Variants in EMC7 observed in about 807,000 individuals in gnomAD.
EMC7 encodes the protein endoplasmic reticulum membrane protein complex subunit 7.
Under a neutral mutation model 24.4 loss-of-function variants are expected in EMC7, and 4 were observed. The ratio of observed to expected loss-of-function variants is 0.16; its 90% CI spans 0.08 to 0.38. EMC7 has a LOEUF of 0.38. EMC7 is among the 10% of genes least tolerant of loss of function. The probability of loss-of-function intolerance (pLI) is 1.00; values close to 1 mark genes in which losing one functional copy is unlikely to be tolerated. For missense variants in EMC7, 221 were observed against 300.6 expected (o/e 0.74, Z 1.96); for synonymous variants, 106 against 112.0 (o/e 0.95, Z 0.34).
intron 1 of EMC7, among the ~76,000 whole-genome samples, chr15:34,100,447 A>G (rs1312704435): frequency 1.3e-5 from 2 of 152,250 alleles, no homozygotes; most frequent in African/African-American, 4.8e-5. Context: ...AAAGAACTGT[A>G]TACAGAAGAG....
intron 4 of EMC7, among the ~76,000 whole-genome samples, chr15:34,087,201 G>A (rs1900902555): frequency 6.6e-6 from 1 of 152,142 alleles, no homozygotes; most frequent in Non-Finnish European, 1.5e-5. Context: ...ATTGATAAAT[G>A]TTTACTCAGG....
intron 4 of EMC7, 51 bp from the exon 5 acceptor site, chr15:34,084,537 C>T (rs1323952596): frequency 7.6e-6 from 12 of 1,569,010 alleles, no homozygotes; most frequent in African/African-American, 1.4e-5. Flanking sequence ...AGTCTTTTAA[C>T]TCCTAACACT....
intron 2 of EMC7, among the ~76,000 whole-genome samples, chr15:34,095,421 T>C (rs1308816939): frequency 6.6e-6 from 1 of 152,182 alleles, no homozygotes; most frequent in African/African-American, 2.4e-5. Context: ...TTGTTTTCCC[T>C]AGAAATACTA....
At chr15:34,094,134 G>A (rs1347334097) in intron 2 of EMC7, among the ~76,000 whole-genome samples, 2 of 151,976 alleles carry the variant, frequency 1.3e-5, no homozygotes, top group Non-Finnish European at 2.9e-5. Flanking sequence ...GACAGGTGCA[G>A]TGGCTCACAT....
chr15:34,085,396 G>A (rs144756780), intron 4 of EMC7, among the ~76,000 whole-genome samples: 186 of 152,276 alleles, frequency 1.2e-3, no homozygotes, highest in African/African-American at 4.3e-3. Context: ...TAAATTTTAA[G>A]TGACATTCTC....
At chr15:34,096,151 A>G in intron 1 of EMC7, 137 bp from the exon 2 acceptor site, 1 of 1,001,472 alleles carries the variant, frequency 1.0e-6, no homozygotes, top group Non-Finnish European at 1.4e-6. Context: ...CCTTGGCGAA[A>G]GTTGTCCTAT....
intron 1 of EMC7, among the ~76,000 whole-genome samples, chr15:34,097,873 G>C (rs1229332714): frequency 6.6e-6 from 1 of 151,772 alleles, no homozygotes; most frequent in South Asian, 2.1e-4. Flanking sequence ...GGAGGCTGGG[G>C]CAGGAGAATC....
chr15:34,090,407 G>C lies in EMC7; in HGVS notation c.405C>G (p.Pro135=). ...YIKTSEVVRL[P]YPLQMKSSGP... ...CTGAAGATTTCATTTGGAGAGGATA[G>C]GGCAGTCTGACAACCTCTGATGTTT... The change falls in exon 3 of 5, where the codon CCC becomes CCG. Residue 135 remains proline, a synonymous_variant. Coordinates refer to ENST00000256545, the MANE Select transcript of EMC7 (RefSeq NM_020154.3). 6.2e-7 allele frequency: 1 copy of C among 1,613,994 alleles called. No homozygotes were observed. Among genetic ancestry groups the C allele is most frequent in the South Asian group, 1.1e-5 (1 of 91,052 alleles).
At chr15:34,100,678 T>G (rs546803300) in intron 1 of EMC7, 122 of 152,320 alleles carry the variant, frequency 8.0e-4, no homozygotes, top group African/African-American at 2.7e-3. Context: ...TAAATCAGAT[T>G]TGGATTTAAA....
Position 34,096,559 on chromosome 15 carries a change from TTTCC to T in EMC7, c.237-549_237-546del, listed in dbSNP as rs1901070349. Among the ~76,000 whole-genome samples, 5 of 152,056 alleles carry T rather than the reference TTTCC, an allele frequency of 3.3e-5. No individual in the cohort carries two copies. The South Asian group carries it at 1.0e-3, about 32-fold the overall frequency. On this transcript the variant is annotated intron_variant, in intron 1 of 4. Transcript: ENST00000256545. ...GAAGCCTGACATAGAAAGTAATTAT[TTTCC>T]TTCTATGGGTAGAGATGACAGGTGA...
intron 1 of EMC7, among the ~76,000 whole-genome samples, chr15:34,097,039 C>CTTCTTCTTTTTTT (rs1555523492): frequency 1.0e-5 from 1 of 97,622 alleles, no homozygotes; most frequent in Admixed American, 1.4e-4. Flanking sequence ...TGTTCTTCTT[C>CTTCTTCTTTTTTT]TTTTTTTTTT....
chr15:34,092,395 C>T (rs938794291), intron 2 of EMC7, among the ~76,000 whole-genome samples: 3 of 152,126 alleles, frequency 2.0e-5, no homozygotes, highest in Admixed American at 2.0e-4. Flanking sequence ...GAAGCCCAGG[C>T]TGAAGTGTAG....
chr15:34,098,776 A>T (rs951634859), intron 1 of EMC7, among the ~76,000 whole-genome samples: 1 of 151,898 alleles, frequency 6.6e-6, no homozygotes, highest in Non-Finnish European at 1.5e-5. Context: ...GCCCTGACTC[A>T]ACCAATTTCA....
At chr15:34,098,009 G>A (rs1343513705) in intron 1 of EMC7, among the ~76,000 whole-genome samples, 1 of 150,682 alleles carries the variant, frequency 6.6e-6, no homozygotes, top group Non-Finnish European at 1.5e-5. Context: ...TGTCACTCCA[G>A]AGCACACTAA....
At chr15:34,099,280 T>C (rs1386484854) in intron 1 of EMC7, among the ~76,000 whole-genome samples, 1 of 152,008 alleles carries the variant, frequency 6.6e-6, no homozygotes, top group Non-Finnish European at 1.5e-5. Flanking sequence ...ATTTCTATAA[T>C]AAAAAGTGCA....
intron 4 of EMC7, among the ~76,000 whole-genome samples, chr15:34,085,324 G>A (rs1306378505): frequency 2.0e-5 from 3 of 151,982 alleles, no homozygotes; most frequent in Non-Finnish European, 4.4e-5. Flanking sequence ...CTTTAATTGA[G>A]CCAAAAATCT....
At chr15:34,096,852 T>C (rs986449095) in intron 1 of EMC7, among the ~76,000 whole-genome samples, 26 of 151,692 alleles carry the variant, frequency 1.7e-4, no homozygotes, top group Admixed American at 1.6e-3. Context: ...CCAGGCGTGG[T>C]GGCGCATGCC....
chr15:34,090,414 C>T lies in EMC7; in HGVS notation c.398G>A (p.Arg133Lys), dbSNP rs535294114. 1.2e-6 allele frequency: 2 copies of T among 1,613,788 alleles called. No homozygotes were observed. Among genetic ancestry groups the T allele is most frequent in the South Asian group, 2.2e-5 (2 of 91,000 alleles). The change falls in exon 3 of 5, where the codon AGA (arginine) becomes AAA (lysine). Residue 133 changes from arginine to lysine, a missense_variant. By Grantham distance (26) the Arg-to-Lys change is conservative. Around this residue, in one of 2 missense-constraint regions of EMC7, gnomAD observed 156 missense variants for 177.1 expected, o/e 0.88. Coordinates refer to ENST00000256545, the MANE Select transcript of EMC7 (RefSeq NM_020154.3). ...TTTCATTTGGAGAGGATAGGGCAGT[C>T]TGACAACCTCTGATGTTTTGATGTA... ...VNYIKTSEVV[R>K]LPYPLQMKSS...
chr15:34,094,301 G>C (rs978204770), intron 2 of EMC7, among the ~76,000 whole-genome samples: 1 of 151,794 alleles, frequency 6.6e-6, no homozygotes. Context: ...CAGGACTTTG[G>C]GAGGCGGGCA....
Sources: gnomAD v4.1 joint callset for allele counts (sites outside exome capture counted in the v4.1 genomes callset) on GRCh38, gnomAD v4.1.1 for gene constraint, gnomAD v4.1.1 regional missense constraint, MANE v1.5 for transcripts, NCBI Gene and HGNC (gene_info 2026-07-23, HGNC 2026-07-21) for gene names.